Variants in MYCBP2 observed in about 807,000 individuals in gnomAD.
MYCBP2 encodes the protein MYC binding protein 2.
Under a neutral mutation model 525.3 loss-of-function variants are expected in MYCBP2, and 120 were observed. The ratio of observed to expected loss-of-function variants is 0.23; its 90% CI spans 0.20 to 0.27. The LOEUF (loss-of-function observed/expected upper bound fraction) is 0.27, where lower values mean the gene tolerates loss of function less well. Among genes scored for constraint, MYCBP2 ranks in the 10% least tolerant of loss-of-function variants. The probability of loss-of-function intolerance (pLI) is 1.00; values close to 1 mark genes in which losing one functional copy is unlikely to be tolerated. For missense variants in MYCBP2, 4,149 were observed against 5,657.1 expected (o/e 0.73, Z 8.55); for synonymous variants, 1,894 against 1,955.8 (o/e 0.97, Z 0.83).
At chr13:77,214,413 C>T (rs1184709478) in intron 21 of MYCBP2, among the ~76,000 whole-genome samples, 1 of 151,502 alleles carries the variant, frequency 6.6e-6, no homozygotes, top group Non-Finnish European at 1.5e-5. Context: ...AATGAATAAA[C>T]TATCATATAT....
intron 7 of MYCBP2, among the ~76,000 whole-genome samples, chr13:77,269,751 A>G (rs1217401740): frequency 6.6e-6 from 1 of 152,204 alleles, no homozygotes; most frequent in Admixed American, 6.5e-5. Context: ...AGAGGACCCA[A>G]TAAGTTAACT....
intron 26 of MYCBP2, among the ~76,000 whole-genome samples, chr13:77,200,212 T>C (rs1438133705): frequency 2.0e-5 from 3 of 151,894 alleles, no homozygotes; most frequent in African/African-American, 4.8e-5. Flanking sequence ...CTGATGGAGA[T>C]GAAAACCAAG....
At chr13:77,112,220 A>C (rs971103146) in intron 55 of MYCBP2, among the ~76,000 whole-genome samples, 1 of 150,758 alleles carries the variant, frequency 6.6e-6, no homozygotes, top group Non-Finnish European at 1.5e-5. Context: ...GTTATGATGG[A>C]TAACTATTTA....
chr13:77,082,819 T>G (rs1271699097), intron 63 of MYCBP2, among the ~76,000 whole-genome samples: 2 of 152,126 alleles, frequency 1.3e-5, no homozygotes, highest in African/African-American at 4.8e-5. Flanking sequence ...CACTAAGAAT[T>G]ACATTAGCCA....
At chr13:77,263,164 G>A (rs2073578470) in intron 10 of MYCBP2, among the ~76,000 whole-genome samples, 1 of 151,994 alleles carries the variant, frequency 6.6e-6, no homozygotes, top group Admixed American at 6.6e-5. Flanking sequence ...ACTGATCCGT[G>A]TGTAAGGCCA....
intron 40 of MYCBP2, among the ~76,000 whole-genome samples, chr13:77,168,213 T>G (rs1469385465): frequency 6.6e-6 from 1 of 152,156 alleles, no homozygotes; most frequent in African/African-American, 2.4e-5. Context: ...AGAACAACTC[T>G]CATAAACCAA....
intron 52 of MYCBP2, chr13:77,129,624 A>G (rs1312483015): frequency 6.5e-6 from 1 of 154,368 alleles, no homozygotes; most frequent in Non-Finnish European, 1.4e-5. Context: ...AATGGAAATG[A>G]TATCGATTGT....
At chr13:77,056,399 T>C (rs941427445) in intron 79 of MYCBP2, among the ~76,000 whole-genome samples, 1 of 152,120 alleles carries the variant, frequency 6.6e-6, no homozygotes, top group African/African-American at 2.4e-5. Flanking sequence ...GAGAGCTTAA[T>C]AGAACAAAAA....
chr13:77,289,874 G>A (rs947532760), intron 2 of MYCBP2, among the ~76,000 whole-genome samples: 1 of 152,080 alleles, frequency 6.6e-6, no homozygotes, highest in Non-Finnish European at 1.5e-5. Flanking sequence ...AAAATGAGTA[G>A]TATATCCACA....
intron 30 of MYCBP2, among the ~76,000 whole-genome samples, chr13:77,187,722 T>C (rs1223801057): frequency 6.6e-6 from 1 of 152,160 alleles, no homozygotes; most frequent in Non-Finnish European, 1.5e-5. Context: ...CTGTATTTGA[T>C]ACGTACTAAT....
chr13:77,092,422 C>T (rs1165262695), intron 59 of MYCBP2: 5 of 151,966 alleles, frequency 3.3e-5, no homozygotes, highest in Admixed American at 1.3e-4. Flanking sequence ...TCACATCATT[C>T]GTCCTCTAAA....
chr13:77,273,485 C>G lies in MYCBP2; in HGVS notation c.932G>C (p.Cys311Ser). Residue 311 changes from cysteine to serine, a missense_variant, in exon 5 of 83, where the codon TGC (cysteine) becomes TCC (serine). Physicochemically the swap from Cys to Ser is moderately radical, Grantham distance 112. This residue lies in a region of MYCBP2 where 413 missense variants were observed against 451.2 expected (regional missense o/e 0.92). Transcript: ENST00000544440. ...AILTNNGSHA[C>S]QTIQVPTILN... ...AATATGAAATACCTGAATAGTTTGG[C>G]AAGCATGGCTTCCATTGTTGGTGAG... 1.3e-6 allele frequency: 2 copies of G among 1,585,364 alleles called. No homozygotes were observed. Among genetic ancestry groups the G allele is most frequent in the Non-Finnish European group, 1.7e-6 (2 of 1,171,378 alleles).
intron 55 of MYCBP2, among the ~76,000 whole-genome samples, chr13:77,105,938 T>C (rs1278642133): frequency 6.6e-6 from 1 of 152,212 alleles, no homozygotes; most frequent in Non-Finnish European, 1.5e-5. Flanking sequence ...TATCATTTCC[T>C]AGTCACAGAA....
chr13:77,209,572 C>T (rs1168839291), intron 23 of MYCBP2, among the ~76,000 whole-genome samples: 1 of 152,188 alleles, frequency 6.6e-6, no homozygotes, highest in Non-Finnish European at 1.5e-5. Flanking sequence ...TCTCTATCCC[C>T]TCCATTCTAT....
At chr13:77,191,424 C>G (rs1023292023) in intron 28 of MYCBP2, among the ~76,000 whole-genome samples, 3 of 152,134 alleles carry the variant, frequency 2.0e-5, no homozygotes, top group African/African-American at 7.2e-5. Flanking sequence ...GGTAATCAAG[C>G]TCGTAAACAA....
chr13:77,305,667 C>G (rs532372004), intron 1 of MYCBP2, among the ~76,000 whole-genome samples: 45 of 151,644 alleles, frequency 3.0e-4, no homozygotes, highest in African/African-American at 1.1e-3. Context: ...TGTATTACCC[C>G]TTTTATTTTT....
chr13:77,173,846 C>G (rs2059368806), intron 37 of MYCBP2, among the ~76,000 whole-genome samples: 1 of 152,120 alleles, frequency 6.6e-6, no homozygotes, highest in Non-Finnish European at 1.5e-5. Context: ...TTATAAGAAA[C>G]ACACTATTAT....
At chr13:77,205,810 C>G (rs1005977375) in intron 24 of MYCBP2, among the ~76,000 whole-genome samples, 4 of 152,116 alleles carry the variant, frequency 2.6e-5, no homozygotes, top group African/African-American at 4.8e-5. Context: ...ATACGACAAC[C>G]TTTTACACAA....
Position 77,224,463 on chromosome 13 carries a change from T to C in MYCBP2, c.2927A>G (p.Asp976Gly). The change falls in exon 20 of 83, where the codon GAT (aspartate) becomes GGT (glycine). Residue 976 changes from aspartate (D) to glycine (G), a missense_variant. Transcript: ENST00000544440. ...YGQHGQLGHG[D>G]VNSRGCPTLV... ...AGTTAGCAAGTACCTGGAGTTGACA[T>C]CTCCATGTCCTAGCTGCCCATGCTG... The C allele has an allele frequency of 6.2e-7, 1 of 1,603,318 alleles. No homozygotes were observed. The highest frequency in any genetic ancestry group is 8.5e-7 in the Non-Finnish European group (1 of 1,172,900).
Sources: allele counts gnomAD v4.1 joint callset (sites outside exome capture counted in the v4.1 genomes callset), GRCh38; gene constraint gnomAD v4.1.1; regional missense constraint gnomAD v4.1.1; transcripts MANE v1.5; gene names NCBI Gene and HGNC (gene_info 2026-07-23, HGNC 2026-07-21).